TTC6: variants seen among roughly 807,000 people sequenced by gnomAD.
TTC6 encodes tetratricopeptide repeat domain 6, also known as tetratricopeptide repeat protein 6.
A neutral mutation model predicts 210.4 loss-of-function variants in TTC6; 172 were observed. That is an observed-to-expected ratio of 0.82 (90% CI 0.72 to 0.93). The LOEUF (loss-of-function observed/expected upper bound fraction) is 0.93, where lower values mean the gene tolerates loss of function less well. Among genes scored for constraint, TTC6 ranks in the 40% least tolerant of loss-of-function variants. The pLI is 0.00. For synonymous variants in TTC6, 804 were observed against 819.6 expected (o/e 0.98, Z 0.32); for missense variants, 2,414 against 2,318.1 (o/e 1.04, Z -0.85).
intron 1 of TTC6, among the ~76,000 whole-genome samples, chr14:37,643,147 A>C (rs533164217): frequency 6.6e-6 from 1 of 152,214 alleles, no homozygotes; most frequent in Non-Finnish European, 1.5e-5. Context: ...GTCTTTACTA[A>C]AAATACAAAA....
upstream of TTC6, chr14:37,621,954 A>C: frequency 3.9e-6 from 3 of 768,366 alleles, no homozygotes; most frequent in South Asian, 6.1e-5. Flanking sequence ...CTCTTATGAG[A>C]AGCTTTGCTG....
At chr14:37,842,434 TA>T (rs1271462158) in exon 31 of TTC6, 2 of 674,976 alleles carry the variant, frequency 3.0e-6, no homozygotes, top group Non-Finnish European at 4.2e-6. Context: ...TGCATTTTAA[TA>T]AAATGTTTGT....
At chr14:37,765,963 T>C (rs2095997969) in intron 14 of TTC6, among the ~76,000 whole-genome samples, 1 of 152,168 alleles carries the variant, frequency 6.6e-6, no homozygotes, top group Non-Finnish European at 1.5e-5. Context: ...GCTTTCAATA[T>C]TCTCTCCCAC....
At chr14:37,792,286 A>T (rs1336338681) in exon 17 of TTC6, 1 of 1,517,008 alleles carries the variant, frequency 6.6e-7, no homozygotes. Flanking sequence ...GGCTTATGTA[A>T]ATATTGGCCT....
At chr14:37,775,392 C>T (rs1378660923) in intron 14 of TTC6, among the ~76,000 whole-genome samples, 7 of 152,124 alleles carry the variant, frequency 4.6e-5, no homozygotes, top group African/African-American at 9.7e-5. Flanking sequence ...CTTAACACTG[C>T]GTTAGCTGTA....
chr14:37,766,605 C>A (rs989645870), intron 14 of TTC6, among the ~76,000 whole-genome samples: 4 of 152,096 alleles, frequency 2.6e-5, no homozygotes, highest in Non-Finnish European at 5.9e-5. Context: ...TTTACTCAAT[C>A]TGTCATTGAT....
At chr14:37,695,935 T>C (rs936149094) in intron 3 of TTC6, among the ~76,000 whole-genome samples, 4 of 152,168 alleles carry the variant, frequency 2.6e-5, no homozygotes, top group African/African-American at 9.7e-5. Flanking sequence ...TGCATAGATA[T>C]GGGATGACGA....
chr14:37,780,160 AT>A (rs1346221786), intron 14 of TTC6, among the ~76,000 whole-genome samples: 3 of 152,220 alleles, frequency 2.0e-5, no homozygotes, highest in African/African-American at 4.8e-5. Context: ...AATTAGTAAT[AT>A]TTTTTAGCAG....
In TTC6 at chr14:37,827,304, A is replaced by G. The variant is rs2096174339; in HGVS notation, c.5236A>G (p.Lys1746Glu). ...CCAAGATGCAATTACTCTAAACCCC[A>G]AGTACTCGCTGGCTTACTTTAATGC... Residue 1746 changes from lysine (K) to glutamate (E), a missense_variant, in exon 29 of 31, where the codon AAG becomes GAG. Coordinates refer to ENST00000553443, the Ensembl canonical transcript of TTC6. 3 of 1,613,288 alleles carry G rather than the reference A, an allele frequency of 1.9e-6. No homozygotes were observed. In the South Asian group the frequency reaches 3.3e-5, roughly 18 times the overall value.
intron 25 of TTC6, 52 bp downstream of exon 27, chr14:37,812,485 A>T (rs774588401): frequency 6.7e-7 from 1 of 1,483,072 alleles, no homozygotes; most frequent in Non-Finnish European, 9.0e-7. Flanking sequence ...GACTTCTGAG[A>T]ACTAGTGAAC....
chr14:37,625,485 T>G lies in TTC6; in HGVS notation c.939+2482T>G, dbSNP rs1441994514. 2.0e-5 allele frequency among the ~76,000 whole-genome samples: 3 copies of G among 150,866 alleles called. No homozygotes were observed. In the East Asian group the frequency reaches 5.9e-4, roughly 29 times the overall value. Reference sequence around the variant, plus strand: ...ATCTCTTGAACCCGGGAGGCGGAGGTTGCAGTGAGCCTAGATCGCACCATT... The same window carrying G: ...ATCTCTTGAACCCGGGAGGCGGAGGGTGCAGTGAGCCTAGATCGCACCATT... On this transcript the variant is annotated intron_variant, in intron 1 of 30. Coordinates refer to ENST00000553443, the Ensembl canonical transcript of TTC6.
In TTC6 at chr14:37,792,256, T is replaced by G. The variant is rs2096081563; in HGVS notation, c.3558-8T>G. 12 of 1,495,192 alleles carry G rather than the reference T, an allele frequency of 8.0e-6. No homozygotes were observed. Among genetic ancestry groups the G allele is most frequent in the Non-Finnish European group, 1.1e-5 (12 of 1,130,924 alleles). 92.6% of individuals were successfully genotyped at this position (1,495,192 alleles called of 1,614,324 possible). The stretch of plus-strand genomic sequence containing the variant: ...TTAACAAGATTTCACTTTCTCATTT[T>G]TTTTTAGAACTATTACTTTGGCTTA... On this transcript the variant is annotated splice_polypyrimidine_tract_variant and splice_region_variant and intron_variant, in intron 16 of 30. Coordinates refer to ENST00000553443, the Ensembl canonical transcript of TTC6.
intron 1 of TTC6, among the ~76,000 whole-genome samples, chr14:37,636,178 C>T (rs917285618): frequency 5.3e-5 from 8 of 152,000 alleles, no homozygotes; most frequent in Non-Finnish European, 7.4e-5. Flanking sequence ...TAGTTAAAAA[C>T]GCGTAACACC....
chr14:37,682,724 A>G (rs1377365409), intron 2 of TTC6, 34 bp from the exon 5 acceptor site: 2 of 1,522,096 alleles, frequency 1.3e-6, no homozygotes, highest in Non-Finnish European at 8.8e-7. Flanking sequence ...CCAATAAAAA[A>G]AAAGCATTCT....
intron 1 of TTC6, among the ~76,000 whole-genome samples, chr14:37,659,837 T>C (rs1441704468): frequency 6.6e-6 from 1 of 151,902 alleles, no homozygotes; most frequent in Admixed American, 6.5e-5. Flanking sequence ...GTGGTTTTGA[T>C]TTGCGTTTCT....
intron 14 of TTC6, among the ~76,000 whole-genome samples, chr14:37,777,878 G>A (rs1266160847): frequency 1.3e-5 from 2 of 151,746 alleles, no homozygotes; most frequent in Admixed American, 6.6e-5. Flanking sequence ...GAAGATTACA[G>A]GGGCCTAAGT....
intron 29 of TTC6, among the ~76,000 whole-genome samples, chr14:37,828,987 A>G (rs2096178562): frequency 6.6e-6 from 1 of 152,004 alleles, no homozygotes; most frequent in South Asian, 2.1e-4. Context: ...CCTAATATAT[A>G]TGCATTATGA....
chr14:37,711,088 A>G (rs1452925281), intron 5 of TTC6, among the ~76,000 whole-genome samples: 1 of 152,132 alleles, frequency 6.6e-6, no homozygotes, highest in Non-Finnish European at 1.5e-5. Context: ...ATATGATACT[A>G]ATGATGCTCG....
chr14:37,672,943 T>C (rs2138492870), intron 1 of TTC6, among the ~76,000 whole-genome samples: 1 of 152,098 alleles, frequency 6.6e-6, no homozygotes, highest in African/African-American at 2.4e-5. Context: ...TTTCTGGAAC[T>C]ACTATAGTTT....
Sources: gnomAD v4.1 joint callset for allele counts (sites outside exome capture counted in the v4.1 genomes callset) on GRCh38, gnomAD v4.1.1 for gene constraint, MANE v1.5 for transcripts, NCBI Gene and HGNC (gene_info 2026-07-23, HGNC 2026-07-21) for gene names.